The following RPS6KA5 variants were observed in gnomAD, a reference collection of about 807,000 sequenced individuals.
RPS6KA5 encodes ribosomal protein S6 kinase A5.
Under a neutral mutation model 85.5 loss-of-function variants are expected in RPS6KA5, and 27 were observed. The observed-to-expected ratio is 0.32, with a 90% CI of 0.23 to 0.44. The LOEUF is 0.44. RPS6KA5 is among the 20% of genes least tolerant of loss of function. The pLI, the probability that RPS6KA5 is intolerant of heterozygous loss-of-function variation, is 1.00. For missense variants in RPS6KA5, 811 were observed against 980.9 expected (o/e 0.83, Z 2.31); for synonymous variants, 334 against 348.2 (o/e 0.96, Z 0.46).
At chr14:90,924,831 G>A (rs1039852148) in intron 5 of RPS6KA5, among the ~76,000 whole-genome samples, 2 of 152,182 alleles carry the variant, frequency 1.3e-5, no homozygotes, top group Non-Finnish European at 2.9e-5. Context: ...AATCCCAATA[G>A]TAACTCAAAT....
chr14:90,982,930 A>G (rs2039860455), intron 2 of RPS6KA5, among the ~76,000 whole-genome samples: 1 of 152,062 alleles, frequency 6.6e-6, no homozygotes, highest in African/African-American at 2.4e-5. Flanking sequence ...TGGCTAACAC[A>G]GTGAAACCCC....
intron 1 of RPS6KA5, among the ~76,000 whole-genome samples, chr14:91,009,905 A>G (rs2041185294): frequency 6.6e-6 from 1 of 152,232 alleles, no homozygotes; most frequent in African/African-American, 2.4e-5. Context: ...GAGCCAGAGA[A>G]GTGGTTCAAC....
chr14:91,048,594 C>T (rs939124405), intron 1 of RPS6KA5, among the ~76,000 whole-genome samples: 2 of 152,190 alleles, frequency 1.3e-5, no homozygotes, highest in Admixed American at 6.5e-5. Context: ...GGAGGAATAG[C>T]TAGCTACACT....
chr14:90,930,922 T>C (rs999586788), intron 5 of RPS6KA5, among the ~76,000 whole-genome samples: 2 of 152,210 alleles, frequency 1.3e-5, no homozygotes, highest in Admixed American at 6.5e-5. Flanking sequence ...AACCTGGAAC[T>C]TTTTAGCACT....
rs926217916 is a variant in RPS6KA5 at position 90,927,185 on chromosome 14, A to T, written c.619-3989T>A. On this transcript the variant is annotated intron_variant, in intron 5 of 16. Coordinates refer to ENST00000614987, the MANE Select transcript of RPS6KA5 (RefSeq NM_004755.4). ...AATGCCTTGTGTATAAAAATAGATA[A>T]GTAAATAAAATCAGGGTAATAACTA... Among the ~76,000 whole-genome samples, 45 of 152,146 alleles carry T rather than the reference A, an allele frequency of 3.0e-4. 1 individual carries two copies. The highest frequency in any genetic ancestry group is 1.0e-4 in the Non-Finnish European group (7 of 68,004).
chr14:90,956,050 C>A (rs1363643627), intron 3 of RPS6KA5, among the ~76,000 whole-genome samples: 1 of 152,046 alleles, frequency 6.6e-6, no homozygotes, highest in Non-Finnish European at 1.5e-5. Context: ...TATTTATATA[C>A]CATTTACACT....
At chr14:90,961,332 G>A (rs1219621935) in intron 3 of RPS6KA5, among the ~76,000 whole-genome samples, 1 of 152,176 alleles carries the variant, frequency 6.6e-6, no homozygotes, top group East Asian at 1.9e-4. Flanking sequence ...TTATGAAGGG[G>A]GAGAGTAAGG....
At chr14:90,885,166 T>G (rs902266355) in intron 14 of RPS6KA5, among the ~76,000 whole-genome samples, 1 of 149,800 alleles carries the variant, frequency 6.7e-6, no homozygotes. Context: ...AGCAAGAGGA[T>G]CACCTCAGCC....
intron 1 of RPS6KA5, among the ~76,000 whole-genome samples, chr14:91,014,734 T>TA (rs958300110): frequency 2.0e-5 from 3 of 152,048 alleles, no homozygotes; most frequent in African/African-American, 7.2e-5. Flanking sequence ...CTACATCCTC[T>TA]AAAAAAATCC....
At chr14:90,900,794 C>A (rs1008989832) in intron 9 of RPS6KA5, 58 bp from the exon 10 acceptor site, 2 of 1,460,538 alleles carry the variant, frequency 1.4e-6, no homozygotes, top group Non-Finnish European at 1.9e-6. Flanking sequence ...CAGTTTAACA[C>A]AGATTAGATT....
At chr14:90,979,397 C>A (rs2039700502) in intron 2 of RPS6KA5, among the ~76,000 whole-genome samples, 1 of 152,236 alleles carries the variant, frequency 6.6e-6, no homozygotes, top group East Asian at 1.9e-4. Flanking sequence ...CAATCCTCTA[C>A]AGTTAATCTG....
Position 90,867,115 on chromosome 14 carries a change from G to A in RPS6KA5, c.*4959C>T, listed in dbSNP as rs1191591078. The A allele has an allele frequency of 1.3e-5, 2 of 152,074 alleles. No homozygotes were observed. The highest frequency in any genetic ancestry group is 2.9e-5 in the Non-Finnish European group (2 of 68,010). The allele number at this position is 152,074 out of a possible 1,614,324, so 9.4% of individuals were successfully genotyped here. ...AATGTCAAGTTCCTCAACCTTACTGGATTTTAAAACAAAGCAAACAAAAGA... is the reference window on the plus strand; with the variant it reads ...AATGTCAAGTTCCTCAACCTTACTGAATTTTAAAACAAAGCAAACAAAAGA... On this transcript the variant is annotated 3_prime_UTR_variant, in exon 17 of 17. Transcript: ENST00000614987.
At chr14:91,014,715 C>T (rs547403838) in intron 1 of RPS6KA5, among the ~76,000 whole-genome samples, 36 of 152,038 alleles carry the variant, frequency 2.4e-4, no homozygotes, top group Middle Eastern at 3.4e-3. Flanking sequence ...ATTTTTGATA[C>T]ATCTTATACT....
intron 5 of RPS6KA5, among the ~76,000 whole-genome samples, chr14:90,925,025 C>A (rs10151089): frequency 1.3e-5 from 2 of 152,162 alleles, no homozygotes; most frequent in Non-Finnish European, 2.9e-5. Flanking sequence ...AATCTCCACA[C>A]AAATATCTAG....
intron 3 of RPS6KA5, among the ~76,000 whole-genome samples, chr14:90,971,956 C>CT (rs2039341400): frequency 6.6e-6 from 1 of 152,146 alleles, no homozygotes; most frequent in African/African-American, 2.4e-5. Flanking sequence ...GGATATAGAA[C>CT]TAATATATAA....
intron 7 of RPS6KA5, among the ~76,000 whole-genome samples, chr14:90,916,426 A>G (rs964163208): frequency 3.9e-5 from 6 of 152,222 alleles, no homozygotes; most frequent in Admixed American, 1.3e-4. Flanking sequence ...TAAATAATAC[A>G]TTACTTTGAA....
At chr14:90,905,342 A>C (rs1318585247) in intron 8 of RPS6KA5, among the ~76,000 whole-genome samples, 2 of 152,160 alleles carry the variant, frequency 1.3e-5, no homozygotes, top group African/African-American at 4.8e-5. Context: ...ATAAAAAATA[A>C]AACCTAGATG....
chr14:90,958,767 C>A (rs1191326944), intron 3 of RPS6KA5, among the ~76,000 whole-genome samples: 1 of 151,808 alleles, frequency 6.6e-6, no homozygotes, highest in African/African-American at 2.4e-5. Context: ...CAGTGAGGAT[C>A]CTAGTGAAGC....
At chr14:91,060,286 C>A (rs930564053) in intron 1 of RPS6KA5, 46 bp downstream of exon 1, 3 of 1,149,300 alleles carry the variant, frequency 2.6e-6, no homozygotes, top group South Asian at 4.1e-5. Context: ...TGCCCTCAGG[C>A]GCGCCCCCGC....
Sources: gnomAD v4.1 joint callset for allele counts (sites outside exome capture counted in the v4.1 genomes callset) on GRCh38, gnomAD v4.1.1 for gene constraint, MANE v1.5 for transcripts, NCBI Gene and HGNC (gene_info 2026-07-23, HGNC 2026-07-21) for gene names.